The following GRM3 variants were observed in gnomAD, a reference collection of about 807,000 sequenced individuals.
The protein encoded by GRM3 is glutamate metabotropic receptor 3, also known as metabotropic glutamate receptor 3.
Under a neutral mutation model 70.5 loss-of-function variants are expected in GRM3, and 26 were observed. The observed-to-expected ratio is 0.37, with a 90% CI of 0.27 to 0.51. The LOEUF (loss-of-function observed/expected upper bound fraction) is 0.51. Ranked by LOEUF, GRM3 falls within the 20% of genes least tolerant of loss-of-function variation. The pLI is 0.93. For synonymous variants in GRM3, 443 were observed against 434.9 expected (o/e 1.02, Z -0.23); for missense variants, 859 against 1,123.8 (o/e 0.76, Z 3.37).
chr7:86,853,519 C>T (rs530087970), intron 5 of GRM3, among the ~76,000 whole-genome samples: 2 of 152,112 alleles, frequency 1.3e-5, no homozygotes, highest in African/African-American at 2.4e-5. Flanking sequence ...AACTGCTCTG[C>T]GTTCATTAGA....
chr7:86,849,126 C>G (rs1302712245), intron 4 of GRM3, among the ~76,000 whole-genome samples: 1 of 152,126 alleles, frequency 6.6e-6, no homozygotes, highest in African/African-American at 2.4e-5. Context: ...TTCACACTGG[C>G]TTCAGAGTCA....
In GRM3 at chr7:86,695,775, A is replaced by G. The variant is rs185398554; in HGVS notation, c.-141+50903A>G. ...CTAACACTTACTAGGAGTTTTTAAA[A>G]GGTGGCTAGCTTCCCCTAAAACTCA... On this transcript the variant is annotated intron_variant, in intron 1 of 5. Transcript: ENST00000361669. Among the ~76,000 whole-genome samples the G allele has an allele frequency of 1.8e-3, 270 of 152,326 alleles. 3 individuals carry two copies. The highest frequency in any genetic ancestry group is 0.017 in the Admixed American group (257 of 15,288).
chr7:86,827,668 C>T (rs1318236452), intron 3 of GRM3, among the ~76,000 whole-genome samples: 2 of 152,260 alleles, frequency 1.3e-5, no homozygotes, highest in East Asian at 1.9e-4. Context: ...CGCCCACCAC[C>T]ATGGCCAGCT....
At chr7:86,739,173 C>T (rs1795929938) in intron 1 of GRM3, among the ~76,000 whole-genome samples, 1 of 152,114 alleles carries the variant, frequency 6.6e-6, no homozygotes. Flanking sequence ...GATGGGGTTT[C>T]ACCATGTTGG....
chr7:86,833,152 C>G (rs778925599), intron 3 of GRM3: 5 of 957,770 alleles, frequency 5.2e-6, no homozygotes, highest in Non-Finnish European at 5.0e-6. Flanking sequence ...TTCTTCACGC[C>G]AAAGAACTAT....
At chr7:86,768,629 G>A (rs1796663259) in intron 2 of GRM3, among the ~76,000 whole-genome samples, 1 of 152,172 alleles carries the variant, frequency 6.6e-6, no homozygotes, top group Non-Finnish European at 1.5e-5. Context: ...GGGTGACAGT[G>A]TAAATGAGAT....
In GRM3 at chr7:86,864,281, G is replaced by A. The variant is rs1242415277; in HGVS notation, c.2567-1G>A. The stretch of plus-strand genomic sequence containing the variant: ...GTTTTCTGTCCCACTTTGTTTTCCA[G>A]CCTCTGCAAGCACGTATGTGCCAAC... On this transcript the variant is annotated splice_acceptor_variant, in intron 5 of 5. Coordinates refer to ENST00000361669, the MANE Select transcript of GRM3 (RefSeq NM_000840.3). LOFTEE classifies it high-confidence loss of function. The A allele has an allele frequency of 6.5e-7, 1 of 1,532,100 alleles. No individual in the cohort carries two copies. Among genetic ancestry groups the A allele is most frequent in the Non-Finnish European group, 9.0e-7 (1 of 1,105,536 alleles). The allele number at this position is 1,532,100 out of a possible 1,614,324, so 94.9% of individuals were successfully genotyped here. A position where few individuals can be genotyped will look rare whatever the true frequency, so the allele number is the denominator to read the frequency against.
intron 1 of GRM3, among the ~76,000 whole-genome samples, chr7:86,756,865 G>T (rs548430113): frequency 6.6e-6 from 1 of 152,210 alleles, no homozygotes; most frequent in Non-Finnish European, 1.5e-5. Flanking sequence ...ACTGGACACT[G>T]AAGATTTGTT....
At chr7:86,700,406 T>C (rs924270147) in intron 1 of GRM3, among the ~76,000 whole-genome samples, 2 of 152,076 alleles carry the variant, frequency 1.3e-5, no homozygotes, top group African/African-American at 4.8e-5. Context: ...ATTTCTGATT[T>C]TTAATTGCGA....
Position 86,696,862 on chromosome 7 carries a change from C to T in GRM3, c.-141+51990C>T, listed in dbSNP as rs935840993. 4.6e-5 allele frequency among the ~76,000 whole-genome samples: 7 copies of T among 152,162 alleles called. 1 individual carries two copies. The highest frequency in any genetic ancestry group is 4.1e-4 in the South Asian group (2 of 4,832). ...ATTGTACAGATGAGACAACTAAGACCAAGATTCCAACCCAAAACTATCTGT... is the reference window on the plus strand; with the variant it reads ...ATTGTACAGATGAGACAACTAAGACTAAGATTCCAACCCAAAACTATCTGT... On this transcript the variant is annotated intron_variant, in intron 1 of 5. Transcript: ENST00000361669.
chr7:86,696,993 C>T (rs724927), intron 1 of GRM3, among the ~76,000 whole-genome samples: 16 of 152,086 alleles, frequency 1.1e-4, no homozygotes, highest in African/African-American at 2.9e-4. Flanking sequence ...GGAATATGGA[C>T]GGTAAAAGAT....
chr7:86,751,095 G>C (rs1387291174), intron 1 of GRM3, among the ~76,000 whole-genome samples: 3 of 152,070 alleles, frequency 2.0e-5, no homozygotes, highest in Non-Finnish European at 4.4e-5. Context: ...CCCATTGTCT[G>C]AAATGGCATC....
At chr7:86,757,830 G>C (rs78824843) in intron 1 of GRM3, among the ~76,000 whole-genome samples, 3,262 of 151,962 alleles carry the variant, frequency 0.021, 99 homozygotes, top group African/African-American at 0.072. Context: ...CTACAATTTT[G>C]TAGTTATTTT....
chr7:86,698,156 A>G (rs1562829721), intron 1 of GRM3, among the ~76,000 whole-genome samples: 1 of 152,198 alleles, frequency 6.6e-6, no homozygotes, highest in Non-Finnish European at 1.5e-5. Flanking sequence ...TTCCAATTAC[A>G]TGGAAAAAGC....
intron 1 of GRM3, among the ~76,000 whole-genome samples, chr7:86,660,654 A>G (rs1363227910): frequency 6.6e-6 from 1 of 152,038 alleles, no homozygotes; most frequent in African/African-American, 2.4e-5. Flanking sequence ...AAAAGCACTT[A>G]GTAAAAATTA....
intron 3 of GRM3, among the ~76,000 whole-genome samples, chr7:86,796,114 G>A (rs780198846): frequency 2.1e-4 from 32 of 152,146 alleles, no homozygotes; most frequent in Non-Finnish European, 2.9e-4. Flanking sequence ...TGCTTTTGAT[G>A]TTTTAATCAT....
At chr7:86,739,530 G>A (rs1795938082) in intron 1 of GRM3, among the ~76,000 whole-genome samples, 1 of 152,202 alleles carries the variant, frequency 6.6e-6, no homozygotes, top group Non-Finnish European at 1.5e-5. Flanking sequence ...TCTACCTGAA[G>A]GGAATGAACT....
intron 3 of GRM3, among the ~76,000 whole-genome samples, chr7:86,797,884 G>A (rs1189622265): frequency 6.6e-6 from 1 of 152,192 alleles, no homozygotes; most frequent in South Asian, 2.1e-4. Context: ...TCAGGACTCG[G>A]TGCCTGCATC....
intron 1 of GRM3, among the ~76,000 whole-genome samples, chr7:86,725,802 CA>C (rs1444673654): frequency 6.6e-6 from 1 of 152,032 alleles, no homozygotes; most frequent in African/African-American, 2.4e-5. Flanking sequence ...AGGTACCAGC[CA>C]ATTAAAGTTC....
Sources: gnomAD v4.1 joint callset for allele counts (sites outside exome capture counted in the v4.1 genomes callset) on GRCh38, gnomAD v4.1.1 for gene constraint, MANE v1.5 for transcripts, NCBI Gene and HGNC (gene_info 2026-07-23, HGNC 2026-07-21) for gene names.